Variants in SYNE1 observed in about 807,000 individuals in gnomAD.
The protein encoded by SYNE1 is spectrin repeat containing nuclear envelope protein 1.
A neutral mutation model predicts 1,111.0 loss-of-function variants in SYNE1; 616 were observed. That is an observed-to-expected ratio of 0.55 (90% CI 0.52 to 0.59). SYNE1 has a LOEUF of 0.59. Ranked by LOEUF, SYNE1 falls within the 20% of genes least tolerant of loss-of-function variation. The probability of loss-of-function intolerance (pLI) is 0.00; values close to 1 mark genes in which losing one functional copy is unlikely to be tolerated. For missense variants in SYNE1, 10,006 were observed against 10,417.0 expected (o/e 0.96, Z 1.72); for synonymous variants, 3,855 against 3,825.8 (o/e 1.01, Z -0.28).
intron 32 of SYNE1, among the ~76,000 whole-genome samples, chr6:152,440,766 C>A (rs1273167252): frequency 2.0e-5 from 3 of 151,894 alleles, no homozygotes; most frequent in African/African-American, 7.3e-5. Flanking sequence ...TGGGGTTTCA[C>A]CATGTTGGTC....
Position 152,536,388 on chromosome 6 carries a change from ATT to A in SYNE1, c.129+3570_129+3571del, listed in dbSNP as rs1465613152. Among the ~76,000 whole-genome samples the A allele has an allele frequency of 9.2e-5, 11 of 119,672 alleles. No homozygotes were observed. In the South Asian group the frequency reaches 1.2e-3, roughly 13 times the overall value. The allele number at this position is 119,672 out of a possible 152,430, so 78.5% of individuals were successfully genotyped here. On this transcript the variant is annotated intron_variant, in intron 4 of 145. Coordinates refer to ENST00000367255, the MANE Select transcript of SYNE1 (RefSeq NM_182961.4). ...AATATATATATAGTAATATATATAT[ATT>A]TATATATATACTATATATAGTAATA...
chr6:152,207,491 T>A (rs1464406676), intron 125 of SYNE1, among the ~76,000 whole-genome samples: 1 of 152,134 alleles, frequency 6.6e-6, no homozygotes, highest in African/African-American at 2.4e-5. Flanking sequence ...AGGAACTCAT[T>A]GGATACACTG....
At chr6:152,451,438 G>T (rs1247864584) in intron 25 of SYNE1, among the ~76,000 whole-genome samples, 1 of 121,570 alleles carries the variant, frequency 8.2e-6, no homozygotes, top group African/African-American at 3.1e-5. Flanking sequence ...GTGATTACTT[G>T]ATTTAATTTT....
Position 152,633,177 on chromosome 6 carries a change from G to A in SYNE1, c.-224+3461C>T, listed in dbSNP as rs142211102. 1.6e-3 allele frequency among the ~76,000 whole-genome samples: 243 copies of A among 152,354 alleles called. 1 individual carries two copies. Among genetic ancestry groups the A allele is most frequent in the African/African-American group, 5.7e-3 (236 of 41,594 alleles). On this transcript the variant is annotated intron_variant, in intron 2 of 145. Coordinates refer to ENST00000367255, the MANE Select transcript of SYNE1 (RefSeq NM_182961.4). ...TGCGGGAGCACGAAGGAGAGGGAATGAAGAGTGAAGCTAGGCATTGGGATG... is the reference window on the plus strand; with the variant it reads ...TGCGGGAGCACGAAGGAGAGGGAATAAAGAGTGAAGCTAGGCATTGGGATG...
chr6:152,424,066 C>T (rs1048147065), intron 39 of SYNE1, among the ~76,000 whole-genome samples: 1 of 152,144 alleles, frequency 6.6e-6, no homozygotes, highest in African/African-American at 2.4e-5. Context: ...TTCCTTCCTC[C>T]CCTCTCTCCA....
At chr6:152,269,098 T>C in intron 99 of SYNE1, 57 bp downstream of exon 99, 2 of 1,613,444 alleles carry the variant, frequency 1.2e-6, no homozygotes, top group Non-Finnish European at 8.5e-7. Flanking sequence ...GAAATATGCC[T>C]CTCAGGTTCT....
intron 3 of SYNE1, among the ~76,000 whole-genome samples, chr6:152,616,619 C>T (rs1041455305): frequency 1.3e-5 from 2 of 152,084 alleles, no homozygotes; most frequent in South Asian, 2.1e-4. Flanking sequence ...TGATTCTGGT[C>T]AAGGGAGCAT....
chr6:152,402,699 G>T (rs1391354015), intron 46 of SYNE1: 2 of 152,154 alleles, frequency 1.3e-5, no homozygotes, highest in Non-Finnish European at 2.9e-5. Context: ...CCTCTTCCTT[G>T]AGTATACATA....
chr6:152,519,644 C>G (rs2099129337), intron 6 of SYNE1, among the ~76,000 whole-genome samples: 1 of 152,106 alleles, frequency 6.6e-6, no homozygotes, highest in South Asian at 2.1e-4. Flanking sequence ...AACAGAAAAT[C>G]ATTAGGCAAG....
At chr6:152,210,255 T>C (rs935118367) in intron 124 of SYNE1, among the ~76,000 whole-genome samples, 1 of 152,222 alleles carries the variant, frequency 6.6e-6, no homozygotes, top group African/African-American at 2.4e-5. Context: ...TTTGGTGTAT[T>C]TTCCCTAAAT....
intron 143 of SYNE1, among the ~76,000 whole-genome samples, chr6:152,132,588 T>C (rs2056057350): frequency 6.6e-6 from 1 of 152,232 alleles, no homozygotes; most frequent in Non-Finnish European, 1.5e-5. Flanking sequence ...GTCAATACAT[T>C]CCAGTTGGAA....
Position 152,216,865 on chromosome 6 carries a change from C to T in SYNE1, c.22191+1392G>A, listed in dbSNP as rs376249697. 8.6e-5 allele frequency among the ~76,000 whole-genome samples: 13 copies of T among 152,022 alleles called. 1 individual carries two copies. In the South Asian group the frequency reaches 2.3e-3, roughly 27 times the overall value. ...GGTCAGGAGTTCGAGACCAGCCTGG[C>T]CAACATAGTGAACCACCCCCCTCTC... On this transcript the variant is annotated intron_variant, in intron 121 of 145. Transcript: ENST00000367255.
At chr6:152,125,113 T>C (rs1317336336) in intron 145 of SYNE1, among the ~76,000 whole-genome samples, 1 of 152,222 alleles carries the variant, frequency 6.6e-6, no homozygotes, top group African/African-American at 2.4e-5. Context: ...ACAGGCTGAA[T>C]GACTTGCTTC....
Position 152,136,705 on chromosome 6 carries a change from C to A in SYNE1, c.25572G>T (p.Leu8524Phe), listed in dbSNP as rs2057165918. 6.2e-7 allele frequency: 1 copy of A among 1,614,114 alleles called. No individual in the cohort carries two copies. Among genetic ancestry groups the A allele is most frequent in the South Asian group, 1.1e-5 (1 of 91,082 alleles). Residue 8524 changes from leucine (L) to phenylalanine (F), a missense_variant, in exon 141 of 146, where the codon TTG becomes TTT. Transcript: ENST00000367255. ...SKESRDLQDR[L>F]SQMNGRWDRV... is the part of the protein sequence containing the mutation. Reference sequence around the variant, plus strand: ...GGTCCCAGCGCCCATTCATCTGCGACAAGCGATCCTGCAGGTCCCGGCTCT... The same window carrying A: ...GGTCCCAGCGCCCATTCATCTGCGAAAAGCGATCCTGCAGGTCCCGGCTCT...
rs904161411 is a variant in SYNE1, at chr6:152,544,174, C to G, written c.68-4153G>C. ...AAAATGGATGAGATGACAGCAGCGTCAGGGTAGAGGAGAGGTGTGGCTGGG... is the reference window on the plus strand; with the variant it reads ...AAAATGGATGAGATGACAGCAGCGTGAGGGTAGAGGAGAGGTGTGGCTGGG... On this transcript the variant is annotated intron_variant, in intron 3 of 145. Coordinates refer to ENST00000367255, the MANE Select transcript of SYNE1 (RefSeq NM_182961.4). Among the ~76,000 whole-genome samples, 3 of 152,148 alleles carry G rather than the reference C, an allele frequency of 2.0e-5. No homozygotes were observed. In the East Asian group the frequency reaches 5.8e-4, roughly 29 times the overall value.
rs2091722679 is a variant in SYNE1, at chr6:152,260,025, G to GCT, written c.18972+2005_18972+2006dup. Among the ~76,000 whole-genome samples, 22 of 152,298 alleles carry GCT rather than the reference G, an allele frequency of 1.4e-4. No individual in the cohort carries two copies. In the South Asian group the frequency reaches 4.6e-3, roughly 32 times the overall value. On this transcript the variant is annotated intron_variant, in intron 101 of 145. Coordinates refer to ENST00000367255, the MANE Select transcript of SYNE1 (RefSeq NM_182961.4). ...CAGCATGGAGGACGCTGGAGTGTCG[G>GCT]CTCCAACTGAGAGCAAAAGCAGCTC...
intron 3 of SYNE1, among the ~76,000 whole-genome samples, chr6:152,614,779 T>C (rs780351923): frequency 3.3e-5 from 5 of 152,188 alleles, no homozygotes; most frequent in African/African-American, 7.2e-5. Context: ...GTGGCACATA[T>C]ACACCATGAA....
At chr6:152,178,388 G>T (rs1208222867) in intron 129 of SYNE1, among the ~76,000 whole-genome samples, 1 of 152,132 alleles carries the variant, frequency 6.6e-6, no homozygotes, top group Non-Finnish European at 1.5e-5. Flanking sequence ...GTGAGCAGAT[G>T]CTAAAATGAA....
In SYNE1 at chr6:152,234,902, GA is replaced by G. The variant is rs2083635313; in HGVS notation, c.20397-103del. On this transcript the variant is annotated intron_variant, in intron 110 of 145. Coordinates refer to ENST00000367255, the MANE Select transcript of SYNE1 (RefSeq NM_182961.4). ...CCAACAGTTTTAAAACGAGAGGTCT[GA>G]AGATTTAGAAGAAAAATGCATGAGG... The G allele has an allele frequency of 6.1e-6, 8 of 1,315,158 alleles. No homozygotes were observed. In the Admixed American group the frequency reaches 1.6e-4, roughly 25 times the overall value. 81.5% of individuals were successfully genotyped at this position (1,315,158 alleles called of 1,614,324 possible).
Sources: allele counts gnomAD v4.1 joint callset (sites outside exome capture counted in the v4.1 genomes callset), GRCh38; gene constraint gnomAD v4.1.1; transcripts MANE v1.5; gene names NCBI Gene and HGNC (gene_info 2026-07-23, HGNC 2026-07-21).